Variants in HDAC9 observed in about 807,000 individuals in gnomAD.
The protein encoded by HDAC9 is MEF-2 interacting transcription repressor (MITR) protein.
A neutral mutation model predicts 139.4 loss-of-function variants in HDAC9; 41 were observed. The observed-to-expected ratio is 0.29, with a 90% confidence interval of 0.23 to 0.38. The LOEUF is 0.38. Ranked by LOEUF, HDAC9 falls within the 10% of genes least tolerant of loss-of-function variation. HDAC9 has a pLI of 1.00. For missense variants in HDAC9, 1,147 were observed against 1,297.0 expected (o/e 0.88, Z 1.78); for synonymous variants, 517 against 476.2 (o/e 1.09, Z -1.12).
intron 2 of HDAC9, among the ~76,000 whole-genome samples, chr7:18,532,601 C>T (rs546792589): frequency 3.9e-5 from 6 of 152,148 alleles, no homozygotes; most frequent in South Asian, 2.1e-4. Flanking sequence ...CATTAAACAC[C>T]GATTTGAATT....
intron 21 of HDAC9, among the ~76,000 whole-genome samples, chr7:18,848,642 G>T (rs2129221823): frequency 6.6e-6 from 1 of 152,112 alleles, no homozygotes; most frequent in Non-Finnish European, 1.5e-5. Flanking sequence ...CTAAGTTTAT[G>T]TTGTTTAAAC....
At chr7:18,801,900 C>T (rs1021916014) in intron 17 of HDAC9, among the ~76,000 whole-genome samples, 3 of 151,908 alleles carry the variant, frequency 2.0e-5, no homozygotes, top group African/African-American at 7.2e-5. Flanking sequence ...TCAATGTTTG[C>T]AGGAGCTTTA....
intron 1 of HDAC9, among the ~76,000 whole-genome samples, chr7:18,345,521 A>T (rs775114561): frequency 6.6e-6 from 1 of 151,382 alleles, no homozygotes; most frequent in Admixed American, 6.6e-5. Flanking sequence ...GTGAAAGTAC[A>T]TGATTGTGTT....
chr7:18,189,916 GT>G (rs1421244174), intron 2 of HDAC9, among the ~76,000 whole-genome samples: 2 of 142,360 alleles, frequency 1.4e-5, no homozygotes, highest in African/African-American at 2.6e-5. Context: ...AATAACTTGT[GT>G]GTGGTGTGTG....
intron 12 of HDAC9, among the ~76,000 whole-genome samples, chr7:18,674,690 T>C (rs1159185614): frequency 6.6e-6 from 1 of 152,076 alleles, no homozygotes; most frequent in East Asian, 1.9e-4. Context: ...GGCATTTTCT[T>C]CCATACTATG....
At chr7:18,436,821 A>G (rs927883770) in intron 1 of HDAC9, among the ~76,000 whole-genome samples, 12 of 152,302 alleles carry the variant, frequency 7.9e-5, no homozygotes, top group Middle Eastern at 3.4e-3. Context: ...AAGTAGATGA[A>G]TAAGGAATAG....
At chr7:18,402,834 A>G (rs1335442968) in intron 1 of HDAC9, among the ~76,000 whole-genome samples, 2 of 152,238 alleles carry the variant, frequency 1.3e-5, no homozygotes, top group Non-Finnish European at 2.9e-5. Context: ...ATAAAAAGCC[A>G]TATACATTAT....
At chr7:18,568,609 G>A (rs564131508) in intron 2 of HDAC9, among the ~76,000 whole-genome samples, 1 of 152,098 alleles carries the variant, frequency 6.6e-6, no homozygotes, top group African/African-American at 2.4e-5. Context: ...GTTTTATATG[G>A]TGTTCTCCTG....
In HDAC9 at chr7:18,233,504, C is replaced by G. The variant is rs185349050; in HGVS notation, c.25+71155C>G. ...TCTTAGAAAACCATTAATCACTAAA[C>G]TATGGATTAAATAGTGACAATAATG... On this transcript the variant is annotated intron_variant, in intron 2 of 12. Coordinates refer to the HDAC9 transcript ENST00000417496. Among the ~76,000 whole-genome samples the G allele has an allele frequency of 2.0e-5, 3 of 151,614 alleles. No homozygotes were observed. The East Asian group carries it at 5.9e-4, about 30-fold the overall frequency.
rs1045749075 is a variant in HDAC9 at position 18,277,080 on chromosome 7, G to GT, written c.25+114733dup. ...TTCAGTAATCATAGATAGTTACATT[G>GT]TTAAAAAAACAAAACAAAACAAAAA... On this transcript the variant is annotated intron_variant, in intron 2 of 12. Transcript: ENST00000417496. 5.4e-5 allele frequency among the ~76,000 whole-genome samples: 7 copies of GT among 130,256 alleles called. No homozygotes were observed. The South Asian group carries it at 1.1e-3, about 20-fold the overall frequency. The allele number at this position is 130,256 out of a possible 152,430, so 85.5% of individuals were successfully genotyped here.
At chr7:18,381,860 G>A (rs1157608819) in intron 1 of HDAC9, among the ~76,000 whole-genome samples, 1 of 151,936 alleles carries the variant, frequency 6.6e-6, no homozygotes, top group African/African-American at 2.4e-5. Context: ...TTTTTTTGTT[G>A]TTGCTTGTTT....
rs1053400892 is a variant in HDAC9, at chr7:18,736,594, G to A, written c.1909+8837G>A. On this transcript the variant is annotated intron_variant, in intron 13 of 25. Coordinates refer to ENST00000686413, the MANE Select transcript of HDAC9 (RefSeq NM_178425.4). Reference sequence around the variant, plus strand: ...TCCCAGCGATGAAGCTGACTTGATCGTGGTGGATAAACTTTTTGATATGCT... The same window carrying A: ...TCCCAGCGATGAAGCTGACTTGATCATGGTGGATAAACTTTTTGATATGCT... 7.2e-5 allele frequency among the ~76,000 whole-genome samples: 11 copies of A among 152,142 alleles called. No individual in the cohort carries two copies. In the East Asian group the frequency reaches 1.5e-3, roughly 21 times the overall value.
intron 1 of HDAC9, among the ~76,000 whole-genome samples, chr7:18,106,764 A>G (rs537556956): frequency 1.1e-4 from 17 of 152,142 alleles, no homozygotes; most frequent in South Asian, 6.2e-4. Flanking sequence ...CTGTGTACAC[A>G]TTTCTACCAG....
intron 25 of HDAC9, among the ~76,000 whole-genome samples, chr7:18,977,491 G>A (rs1287084526): frequency 2.0e-5 from 3 of 152,202 alleles, no homozygotes; most frequent in Non-Finnish European, 4.4e-5. Flanking sequence ...GTGATGTTAT[G>A]AGCCTCAAGT....
chr7:18,397,778 A>C (rs1456571513), intron 1 of HDAC9, among the ~76,000 whole-genome samples: 3 of 152,164 alleles, frequency 2.0e-5, no homozygotes, highest in Non-Finnish European at 2.9e-5. Flanking sequence ...TTTACATCAG[A>C]GTTTGAAAGA....
At chr7:18,784,546 C>A (rs1382036353) in intron 16 of HDAC9, among the ~76,000 whole-genome samples, 2 of 151,678 alleles carry the variant, frequency 1.3e-5, no homozygotes, top group African/African-American at 4.8e-5. Flanking sequence ...CAGGTGCTTG[C>A]CCCAGACATT....
intron 19 of HDAC9, among the ~76,000 whole-genome samples, chr7:18,834,553 A>T (rs1260710560): frequency 6.6e-6 from 1 of 151,112 alleles, no homozygotes; most frequent in Non-Finnish European, 1.5e-5. Context: ...TGAGTGGGAA[A>T]GAGGACTGGT....
At chr7:18,280,661 G>A (rs1334250480) in intron 2 of HDAC9, among the ~76,000 whole-genome samples, 1 of 151,802 alleles carries the variant, frequency 6.6e-6, no homozygotes, top group Non-Finnish European at 1.5e-5. Context: ...TACTCAGGAG[G>A]CTGAGACAGG....
intron 21 of HDAC9, among the ~76,000 whole-genome samples, chr7:18,864,694 T>C (rs1025925797): frequency 7.3e-5 from 11 of 151,470 alleles, no homozygotes; most frequent in Non-Finnish European, 1.6e-4. Flanking sequence ...CCCAAAATGC[T>C]CTACTTACAG....
Sources: gnomAD v4.1 joint callset for allele counts (sites outside exome capture counted in the v4.1 genomes callset) on GRCh38, gnomAD v4.1.1 for gene constraint, MANE v1.5 for transcripts, NCBI Gene and HGNC (gene_info 2026-07-23, HGNC 2026-07-21) for gene names.